RERE: variants seen among roughly 807,000 people sequenced by gnomAD.
RERE encodes arginine-glutamic acid dipeptide repeats, also known as arginine-glutamic acid dipeptide repeats protein.
A neutral mutation model predicts 146.1 loss-of-function variants in RERE; 40 were observed. The ratio of observed to expected loss-of-function variants is 0.27; its 90% CI spans 0.21 to 0.36. The LOEUF (loss-of-function observed/expected upper bound fraction) is 0.36. Among genes scored for constraint, RERE ranks in the 10% least tolerant of loss-of-function variants. The pLI is 1.00. For missense variants in RERE, 1,933 were observed against 2,138.7 expected, an observed-to-expected ratio of 0.90 and a Z score of 1.90; for synonymous variants, 1,003 against 866.0, an observed-to-expected ratio of 1.16 and a Z score of -2.78.
At chr1:8,651,309 C>A (rs934222031) in intron 2 of RERE, among the ~76,000 whole-genome samples, 1 of 152,030 alleles carries the variant, frequency 6.6e-6, no homozygotes, top group African/African-American at 2.4e-5. Context: ...ACTCAAGAGG[C>A]TGAGGCAGGA....
At chr1:8,374,058 T>G (rs755475281) in intron 12 of RERE, among the ~76,000 whole-genome samples, 4 of 152,252 alleles carry the variant, frequency 2.6e-5, no homozygotes, top group Non-Finnish European at 5.9e-5. Flanking sequence ...AATGATGATC[T>G]GCTTGAAGGC....
intron 9 of RERE, among the ~76,000 whole-genome samples, chr1:8,496,063 CGAGGTGGGAGGAT>C (rs893656737): frequency 4.8e-5 from 7 of 146,118 alleles, no homozygotes; most frequent in Admixed American, 4.3e-4. Context: ...CTGGGGAGGA[CGAGGTGGGAGGAT>C]GACTTGAGCC....
chr1:8,501,445 C>T (rs867755091), intron 8 of RERE, among the ~76,000 whole-genome samples: 6 of 61,966 alleles, frequency 9.7e-5, no homozygotes, highest in East Asian at 6.0e-4. Flanking sequence ...TCTGCCCGGC[C>T]GCCCCTACTG....
intron 10 of RERE, among the ~76,000 whole-genome samples, chr1:8,493,304 A>C (rs540103913): frequency 1.3e-5 from 2 of 152,322 alleles, no homozygotes; most frequent in South Asian, 4.1e-4. Flanking sequence ...GCTCAAAATA[A>C]AGATTTTGTA....
At chr1:8,383,548 AC>A (rs1642528422) in intron 12 of RERE, among the ~76,000 whole-genome samples, 1 of 152,082 alleles carries the variant, frequency 6.6e-6, no homozygotes, top group Non-Finnish European at 1.5e-5. Context: ...GTGTCGAAGA[AC>A]ATACACTTAT....
chr1:8,578,486 AAAC>A (rs1178510614), intron 4 of RERE, among the ~76,000 whole-genome samples: 1 of 152,236 alleles, frequency 6.6e-6, no homozygotes, highest in Non-Finnish European at 1.5e-5. Flanking sequence ...TTCTAACTTT[AAAC>A]CTAAAGGCAG....
chr1:8,469,300 T>G (rs761851923), intron 10 of RERE, among the ~76,000 whole-genome samples: 1 of 152,148 alleles, frequency 6.6e-6, no homozygotes, highest in Non-Finnish European at 1.5e-5. Flanking sequence ...AAAACTCTGG[T>G]CTCACATACA....
chr1:8,644,547 T>C (rs1647238290), intron 2 of RERE, among the ~76,000 whole-genome samples: 1 of 152,234 alleles, frequency 6.6e-6, no homozygotes, highest in Non-Finnish European at 1.5e-5. Context: ...GCATACAACA[T>C]GCTTGCTTTT....
intron 1 of RERE, among the ~76,000 whole-genome samples, chr1:8,814,254 C>T (rs1227852867): frequency 1.3e-5 from 2 of 152,188 alleles, no homozygotes; most frequent in Admixed American, 6.5e-5. Flanking sequence ...CACACCCAGT[C>T]CCCTTTACCA....
intron 1 of RERE, among the ~76,000 whole-genome samples, chr1:8,724,720 TCAGG>T (rs1167127587): frequency 2.6e-5 from 4 of 150,976 alleles, no homozygotes; most frequent in Non-Finnish European, 5.9e-5. Context: ...TCCCAGCTAC[TCAGG>T]AGGCTGAGGC....
At chr1:8,503,127 T>TAAATAAAA (rs1553176592) in intron 8 of RERE, among the ~76,000 whole-genome samples, 44 of 143,766 alleles carry the variant, frequency 3.1e-4, no homozygotes, top group African/African-American at 9.9e-4. Flanking sequence ...AATAAATAAA[T>TAAATAAAA]AAAAAAGAAT....
intron 6 of RERE, among the ~76,000 whole-genome samples, chr1:8,554,218 T>C (rs1479313001): frequency 1.3e-5 from 2 of 152,080 alleles, no homozygotes; most frequent in Non-Finnish European, 2.9e-5. Flanking sequence ...TCAATACCAA[T>C]GATAAGTACT....
At position 8,440,058 on chromosome 1, in the gene RERE, G is replaced by A. The variant is rs140639714; in HGVS notation, c.1204-17251C>T. On this transcript the variant is annotated intron_variant, in intron 11 of 22. Transcript: ENST00000400908. ...CATTACACTCCAGCCTGGGCAACAA[G>A]AGTGAAACTCCCTCTCAAACAAACA... 1.9e-3 allele frequency among the ~76,000 whole-genome samples: 282 copies of A among 152,286 alleles called. 1 individual carries two copies. Among genetic ancestry groups the A allele is most frequent in the African/African-American group, 6.4e-3 (268 of 41,568 alleles).
intron 1 of RERE, among the ~76,000 whole-genome samples, chr1:8,810,043 T>C (rs1641774087): frequency 6.6e-6 from 1 of 152,068 alleles, no homozygotes; most frequent in Admixed American, 6.5e-5. Context: ...TCTTGCTCTG[T>C]CGCCCAGGCT....
intron 4 of RERE, among the ~76,000 whole-genome samples, chr1:8,558,799 CTTT>C (rs547248273): frequency 2.9e-5 from 4 of 137,800 alleles, no homozygotes; most frequent in Admixed American, 7.2e-5. Context: ...TTTTCCTTTT[CTTT>C]TTTTTTTTTT....
intron 1 of RERE, among the ~76,000 whole-genome samples, chr1:8,688,569 AAAAATT>A (rs1326207174): frequency 1.3e-5 from 2 of 152,060 alleles, no homozygotes; most frequent in Non-Finnish European, 2.9e-5. Context: ...TCAAAAAAAA[AAAAATT>A]AAAATTAAAA....
chr1:8,698,505 T>C (rs1208882751), intron 1 of RERE, among the ~76,000 whole-genome samples: 1 of 152,196 alleles, frequency 6.6e-6, no homozygotes, highest in Non-Finnish European at 1.5e-5. Flanking sequence ...ACTCTTTTGT[T>C]CCTTTGAAGC....
intron 3 of RERE, among the ~76,000 whole-genome samples, chr1:8,618,050 G>A (rs971843975): frequency 3.3e-5 from 5 of 152,152 alleles, no homozygotes; most frequent in African/African-American, 9.7e-5. Flanking sequence ...TACTTATCCA[G>A]TGAATTTATT....
intron 11 of RERE, among the ~76,000 whole-genome samples, chr1:8,430,569 G>A (rs1644082409): frequency 6.6e-6 from 1 of 152,112 alleles, no homozygotes; most frequent in South Asian, 2.1e-4. Flanking sequence ...TCAGACTAAC[G>A]TCCTCCATAG....
Sources: gnomAD v4.1 joint callset for allele counts (sites outside exome capture counted in the v4.1 genomes callset) on GRCh38, gnomAD v4.1.1 for gene constraint, MANE v1.5 for transcripts, NCBI Gene and HGNC (gene_info 2026-07-23, HGNC 2026-07-21) for gene names.